The following NRG3 variants were observed in gnomAD, a reference collection of about 807,000 sequenced individuals.
The protein encoded by NRG3 is neuregulin 3.
A neutral mutation model predicts 66.9 loss-of-function variants in NRG3; 31 were observed. The ratio of observed to expected loss-of-function variants is 0.46; its 90% CI spans 0.35 to 0.63. NRG3 has a LOEUF of 0.63. Ranked by LOEUF, NRG3 falls within the 20% of genes least tolerant of loss-of-function variation. NRG3 has a pLI of 0.00. For missense variants in NRG3, 910 were observed against 878.9 expected (o/e 1.04, Z -0.45); for synonymous variants, 393 against 359.4 (o/e 1.09, Z -1.06).
intron 1 of NRG3, among the ~76,000 whole-genome samples, chr10:81,937,931 T>C (rs992217228): frequency 7.2e-5 from 11 of 152,130 alleles, no homozygotes; most frequent in African/African-American, 2.7e-4. Flanking sequence ...GATGTAAGGC[T>C]AGAGTCCAAC....
chr10:82,335,408 G>A lies in NRG3; in HGVS notation c.824-23331G>A, dbSNP rs116871172. On this transcript the variant is annotated intron_variant, in intron 1 of 8. Transcript: ENST00000372141. ...AACGAGGTAATGTTATTTTCCTTCA[G>A]ATTTAAGCCATTTGTGTTGAGTTTT... 4.0e-3 allele frequency among the ~76,000 whole-genome samples: 607 copies of A among 152,264 alleles called. 5 individuals carry two copies. Among genetic ancestry groups the A allele is most frequent in the Middle Eastern group, 0.02 (6 of 294 alleles).
chr10:82,513,834 G>C (rs1361572981), intron 2 of NRG3, among the ~76,000 whole-genome samples: 3 of 152,084 alleles, frequency 2.0e-5, no homozygotes. Flanking sequence ...CCACAGCCTT[G>C]CCAGCATCTG....
intron 2 of NRG3, among the ~76,000 whole-genome samples, chr10:82,513,420 C>T (rs913865059): frequency 2.0e-5 from 3 of 152,218 alleles, no homozygotes; most frequent in Non-Finnish European, 4.4e-5. Flanking sequence ...TGAATATATG[C>T]GTGCATGTAT....
chr10:82,252,245 G>A (rs1252292010), intron 1 of NRG3, among the ~76,000 whole-genome samples: 2 of 152,148 alleles, frequency 1.3e-5, no homozygotes, highest in African/African-American at 4.8e-5. Flanking sequence ...GCTCAATTGG[G>A]TACAAAAAAT....
intron 2 of NRG3, among the ~76,000 whole-genome samples, chr10:82,563,988 G>T (rs2045227685): frequency 6.6e-6 from 1 of 152,058 alleles, no homozygotes; most frequent in Non-Finnish European, 1.5e-5. Context: ...AATGTTCAAT[G>T]ATATTAAACA....
At chr10:81,942,680 G>A (rs1188781122) in intron 1 of NRG3, among the ~76,000 whole-genome samples, 1 of 152,088 alleles carries the variant, frequency 6.6e-6, no homozygotes, top group African/African-American at 2.4e-5. Context: ...CACTGATCTA[G>A]CTGCAATTTC....
At chr10:82,831,983 G>C (rs748879243) in intron 3 of NRG3, among the ~76,000 whole-genome samples, 5 of 152,012 alleles carry the variant, frequency 3.3e-5, no homozygotes, top group Admixed American at 2.0e-4. Context: ...TCACACAGCA[G>C]TATACAAGCT....
intron 1 of NRG3, among the ~76,000 whole-genome samples, chr10:82,000,712 T>G (rs1015195794): frequency 3.9e-5 from 6 of 152,202 alleles, no homozygotes; most frequent in African/African-American, 1.4e-4. Context: ...ATGAATATAT[T>G]AACTTACTAA....
chr10:82,583,115 G>A (rs1194259692), intron 2 of NRG3, among the ~76,000 whole-genome samples: 3 of 152,114 alleles, frequency 2.0e-5, no homozygotes, highest in African/African-American at 4.8e-5. Context: ...TTTTAAAAGG[G>A]TGTGTTCAAG....
chr10:82,678,185 G>A (rs747983190), intron 2 of NRG3, among the ~76,000 whole-genome samples: 1 of 152,134 alleles, frequency 6.6e-6, no homozygotes, highest in Non-Finnish European at 1.5e-5. Context: ...GCTTTTCCCT[G>A]GTCACTCACA....
At chr10:82,634,112 A>G (rs1445322279) in intron 2 of NRG3, among the ~76,000 whole-genome samples, 2 of 152,218 alleles carry the variant, frequency 1.3e-5, no homozygotes, top group Non-Finnish European at 2.9e-5. Context: ...TCATCTGAAC[A>G]CTGGACTAGA....
chr10:82,687,886 C>T (rs1427869155), intron 2 of NRG3, among the ~76,000 whole-genome samples: 1 of 152,160 alleles, frequency 6.6e-6, no homozygotes, highest in Non-Finnish European at 1.5e-5. Flanking sequence ...ACTCCAGTGC[C>T]TTCAGCTAAA....
chr10:82,006,946 T>C (rs187154255), intron 1 of NRG3, among the ~76,000 whole-genome samples: 8 of 152,292 alleles, frequency 5.3e-5, no homozygotes, highest in Admixed American at 5.2e-4. Flanking sequence ...AGCAAAAAAT[T>C]GCCATCTTCC....
At chr10:82,495,955 G>A (rs1359779532) in intron 2 of NRG3, among the ~76,000 whole-genome samples, 1 of 152,036 alleles carries the variant, frequency 6.6e-6, no homozygotes, top group Non-Finnish European at 1.5e-5. Context: ...AGGCTCCAGA[G>A]GACAATTAAT....
chr10:82,104,089 T>C (rs777387130), intron 1 of NRG3, among the ~76,000 whole-genome samples: 7 of 152,170 alleles, frequency 4.6e-5, no homozygotes, highest in Non-Finnish European at 1.0e-4. Context: ...ATACTGTTTG[T>C]TCTTCAATTT....
chr10:82,519,939 A>C (rs1846038257), intron 2 of NRG3, among the ~76,000 whole-genome samples: 1 of 152,164 alleles, frequency 6.6e-6, no homozygotes, highest in African/African-American at 2.4e-5. Flanking sequence ...AAGTGACTAT[A>C]AATGAGACTT....
intron 1 of NRG3, among the ~76,000 whole-genome samples, chr10:82,276,163 T>G (rs1350214750): frequency 1.3e-5 from 2 of 151,976 alleles, no homozygotes; most frequent in Non-Finnish European, 2.9e-5. Flanking sequence ...TTGAACATAA[T>G]GGATACACAC....
intron 2 of NRG3, among the ~76,000 whole-genome samples, chr10:82,723,058 G>A (rs892516291): frequency 2.0e-5 from 3 of 152,100 alleles, no homozygotes; most frequent in Non-Finnish European, 2.9e-5. Flanking sequence ...CAGCAAAGAC[G>A]TGGAATCAAC....
At chr10:81,886,061 G>A (rs1332858716) in intron 1 of NRG3, among the ~76,000 whole-genome samples, 2 of 152,032 alleles carry the variant, frequency 1.3e-5, no homozygotes, top group Non-Finnish European at 2.9e-5. Flanking sequence ...AATGCACGCG[G>A]GGCTTAATAC....
Sources: gnomAD v4.1 joint callset for allele counts (sites outside exome capture counted in the v4.1 genomes callset) on GRCh38, gnomAD v4.1.1 for gene constraint, MANE v1.5 for transcripts, NCBI Gene and HGNC (gene_info 2026-07-23, HGNC 2026-07-21) for gene names.